Variants in SH3PXD2B observed in about 807,000 individuals in gnomAD.
The protein encoded by SH3PXD2B is SH3 and PX domains 2B, also known as SH3 and PX domain-containing protein 2B.
In SH3PXD2B, 37 loss-of-function variants were observed where a neutral mutation model predicts 73.1. That is an observed-to-expected ratio of 0.51 (90% CI 0.39 to 0.67). The LOEUF is 0.67. Among genes scored for constraint, SH3PXD2B ranks in the 30% least tolerant of loss-of-function variants. The pLI is 0.00. For synonymous variants in SH3PXD2B, 457 were observed against 480.5 expected, an observed-to-expected ratio of 0.95 and a Z score of 0.64; for missense variants, 1,053 against 1,197.8, an observed-to-expected ratio of 0.88 and a Z score of 1.78.
intron 6 of SH3PXD2B, among the ~76,000 whole-genome samples, chr5:172,366,942 TTTTTTTTTTTTG>T (rs1163451822): frequency 7.6e-6 from 1 of 131,394 alleles, no homozygotes; most frequent in East Asian, 2.3e-4. Flanking sequence ...ATTTTTTTTT[TTTTTTTTTTTTG>T]GGGACAGAGT....
chr5:172,375,460 C>T (rs906795221), intron 5 of SH3PXD2B, among the ~76,000 whole-genome samples: 1 of 152,194 alleles, frequency 6.6e-6, no homozygotes, highest in African/African-American at 2.4e-5. Context: ...CACCAGACCA[C>T]TTTCATCACT....
intron 12 of SH3PXD2B, among the ~76,000 whole-genome samples, chr5:172,345,414 T>C (rs150506315): frequency 3.7e-4 from 57 of 152,266 alleles, no homozygotes; most frequent in Middle Eastern, 3.4e-3. Context: ...AAATTGAACC[T>C]TGGCCTCCCA....
intron 2 of SH3PXD2B, among the ~76,000 whole-genome samples, chr5:172,417,549 C>T (rs1758853534): frequency 6.6e-6 from 1 of 152,196 alleles, no homozygotes; most frequent in African/African-American, 2.4e-5. Flanking sequence ...GTCATTTGTA[C>T]CTAAAAGAGT....
At chr5:172,432,924 AAG>A (rs1561580451) in intron 1 of SH3PXD2B, among the ~76,000 whole-genome samples, 454 of 18,618 alleles carry the variant, frequency 0.024, 1 homozygote, top group African/African-American at 0.058. Flanking sequence ...TCAAAAAAAA[AAG>A]GGGGGGGGGG....
chr5:172,391,551 C>A (rs1337185074), intron 4 of SH3PXD2B, among the ~76,000 whole-genome samples: 6 of 152,230 alleles, frequency 3.9e-5, no homozygotes, highest in African/African-American at 1.4e-4. Context: ...CAACCTCCAC[C>A]TCCTGGATTC....
At chr5:172,397,550 C>T (rs1010158676) in intron 3 of SH3PXD2B, among the ~76,000 whole-genome samples, 3 of 152,202 alleles carry the variant, frequency 2.0e-5, no homozygotes, top group African/African-American at 4.8e-5. Flanking sequence ...ATGTCTCCCC[C>T]GGACACCCAG....
chr5:172,411,860 G>A (rs1389427461), intron 2 of SH3PXD2B, among the ~76,000 whole-genome samples: 1 of 151,712 alleles, frequency 6.6e-6, no homozygotes, highest in Non-Finnish European at 1.5e-5. Flanking sequence ...AACCACACTT[G>A]GGTGTACAGT....
At chr5:172,386,374 TGTTAA>T (rs1758060778) in intron 4 of SH3PXD2B, among the ~76,000 whole-genome samples, 1 of 152,188 alleles carries the variant, frequency 6.6e-6, no homozygotes, top group Non-Finnish European at 1.5e-5. Context: ...CAGATGATTA[TGTTAA>T]ATGACAATAT....
At chr5:172,441,271 A>G (rs964774870) in intron 1 of SH3PXD2B, among the ~76,000 whole-genome samples, 5 of 152,176 alleles carry the variant, frequency 3.3e-5, no homozygotes, top group African/African-American at 7.2e-5. Flanking sequence ...CCCAAATCAT[A>G]TAACTGGAAA....
intron 4 of SH3PXD2B, 92 bp downstream of exon 4, chr5:172,394,471 A>G (rs1041308130): frequency 5.8e-6 from 8 of 1,375,132 alleles, no homozygotes; most frequent in Middle Eastern, 1.8e-4. Flanking sequence ...GAATTGCACA[A>G]ATTTTTATTG....
intron 1 of SH3PXD2B, among the ~76,000 whole-genome samples, chr5:172,436,285 C>A (rs1279914252): frequency 6.6e-6 from 1 of 152,166 alleles, no homozygotes; most frequent in Non-Finnish European, 1.5e-5. Flanking sequence ...GGGCCATCCA[C>A]CCCAGTTTCC....
At position 172,339,314 on chromosome 5, in the gene SH3PXD2B, C is replaced by T; in HGVS notation, c.1791G>A (p.Glu597=). The change falls in exon 13 of 13, where the codon GAG becomes GAA. Residue 597 remains glutamate (E), a synonymous_variant. Transcript: ENST00000311601. The surrounding 1 kb of genome is among the most constrained non-coding windows in gnomAD (Gnocchi z 6.1). ...LFQLKNDMGL[E]CGHKVLAKEV... The stretch of plus-strand genomic sequence containing the variant: ...CCTTGGCCAAGACCTTGTGGCCACA[C>T]TCCAGCCCCATGTCATTTTTCAGCT... 2 of 1,614,214 alleles carry T rather than the reference C, an allele frequency of 1.2e-6. No homozygotes were observed. The highest frequency in any genetic ancestry group is 1.3e-5 in the African/African-American group (1 of 75,052).
intron 3 of SH3PXD2B, among the ~76,000 whole-genome samples, chr5:172,402,688 T>G (rs890963916): frequency 4.6e-5 from 7 of 152,170 alleles, no homozygotes; most frequent in African/African-American, 1.7e-4. Context: ...GGGGGAATTT[T>G]GGGGAAGGCA....
chr5:172,429,059 C>T (rs1248491574), intron 1 of SH3PXD2B, among the ~76,000 whole-genome samples: 3 of 152,178 alleles, frequency 2.0e-5, no homozygotes, highest in Non-Finnish European at 2.9e-5. Flanking sequence ...CTAAGTTTCA[C>T]GCGAGCAAGG....
intron 3 of SH3PXD2B, among the ~76,000 whole-genome samples, chr5:172,402,702 A>G (rs1581311557): frequency 6.6e-6 from 1 of 151,990 alleles, no homozygotes; most frequent in African/African-American, 2.4e-5. Flanking sequence ...GAAGGCATTT[A>G]CCTCCCGGAG....
chr5:172,327,943 T>C (rs891438063), intron 12 of SH3PXD2B, among the ~76,000 whole-genome samples: 5 of 151,778 alleles, frequency 3.3e-5, no homozygotes, highest in African/African-American at 9.7e-5. Flanking sequence ...TTAGTAAAGA[T>C]GGGGTTTCAC....
intron 4 of SH3PXD2B, among the ~76,000 whole-genome samples, chr5:172,392,388 A>G (rs950335606): frequency 1.3e-5 from 2 of 152,198 alleles, no homozygotes; most frequent in African/African-American, 2.4e-5. Flanking sequence ...AAACTAAATG[A>G]TGTTGTAAGC....
chr5:172,391,520 T>G (rs973333338), intron 4 of SH3PXD2B, among the ~76,000 whole-genome samples: 1 of 152,236 alleles, frequency 6.6e-6, no homozygotes, highest in Admixed American at 6.5e-5. Context: ...TGGAGTGCAG[T>G]GGCACGATCT....
chr5:172,345,004 A>G (rs1279268322), intron 12 of SH3PXD2B, among the ~76,000 whole-genome samples: 1 of 148,590 alleles, frequency 6.7e-6, no homozygotes, highest in African/African-American at 2.5e-5. Context: ...GAGGGAGGAA[A>G]GAGAGAAGGA....
Sources: allele counts gnomAD v4.1 joint callset (sites outside exome capture counted in the v4.1 genomes callset), GRCh38; gene constraint gnomAD v4.1.1; non-coding constraint Gnocchi (gnomAD v3.1); transcripts MANE v1.5; gene names NCBI Gene and HGNC (gene_info 2026-07-23, HGNC 2026-07-21).